ANK3: variants seen among roughly 807,000 people sequenced by gnomAD.
The protein encoded by ANK3 is ankyrin-3.
A neutral mutation model predicts 370.9 loss-of-function variants in ANK3; 57 were observed. The observed-to-expected ratio is 0.15, with a 90% CI of 0.12 to 0.19. The LOEUF is 0.19. Among genes scored for constraint, ANK3 ranks in the 10% least tolerant of loss-of-function variants. ANK3 has a pLI of 1.00. For missense variants in ANK3, 4,439 were observed against 5,302.1 expected (o/e 0.84, Z 5.06); for synonymous variants, 1,929 against 1,946.3 (o/e 0.99, Z 0.23).
intron 28 of ANK3, among the ~76,000 whole-genome samples, chr10:60,092,729 ATTTTG>A (rs998431079): frequency 4.6e-5 from 7 of 152,140 alleles, no homozygotes; most frequent in African/African-American, 9.7e-5. Context: ...AAAACAAATA[ATTTTG>A]TTTTGTTTTG....
intron 40 of ANK3, among the ~76,000 whole-genome samples, chr10:60,061,043 A>C (rs1219404501): frequency 2.0e-5 from 3 of 152,206 alleles, no homozygotes; most frequent in Admixed American, 1.3e-4. Flanking sequence ...CGAAGAGGAG[A>C]GACAGGAAAA....
At chr10:60,452,235 T>A (rs1046407618) in intron 2 of ANK3, among the ~76,000 whole-genome samples, 8 of 152,230 alleles carry the variant, frequency 5.3e-5, no homozygotes, top group Non-Finnish European at 1.2e-4. Flanking sequence ...GGTACAAATT[T>A]CAAGGAACTG....
At chr10:60,390,881 C>T (rs1185045090), upstream of ANK3, among the ~76,000 whole-genome samples, 2 of 151,936 alleles carry the variant, frequency 1.3e-5, no homozygotes, top group Non-Finnish European at 2.9e-5. Context: ...GCGGTCGGTG[C>T]ATTTGACTTT....
intron 23 of ANK3, chr10:60,140,411 G>A (rs764529788): frequency 2.7e-5 from 44 of 1,613,414 alleles, no homozygotes; most frequent in Non-Finnish European, 3.7e-5. Flanking sequence ...GATGTTTCCA[G>A]GAATTCCTTA....
At chr10:60,419,444 C>T (rs952153604) in intron 2 of ANK3, among the ~76,000 whole-genome samples, 9 of 152,140 alleles carry the variant, frequency 5.9e-5, no homozygotes, top group Admixed American at 3.9e-4. Context: ...CCTGCATCTG[C>T]TAGAAAATTT....
At chr10:60,463,354 C>T (rs4426089) in intron 2 of ANK3, among the ~76,000 whole-genome samples, 57,024 of 151,972 alleles carry the variant, frequency 0.38, 11,342 homozygotes, top group Non-Finnish European at 0.45. Context: ...ATATATTTTC[C>T]GTCTGCCTAG....
intron 1 of ANK3, among the ~76,000 whole-genome samples, chr10:60,315,043 C>T (rs2047111359): frequency 6.6e-6 from 1 of 152,106 alleles, no homozygotes; most frequent in Non-Finnish European, 1.5e-5. Context: ...TGGTACTTTC[C>T]ATTAGAGTGG....
chr10:60,086,546 G>T, intron 30 of ANK3, 131 bp downstream of exon 30: 1 of 766,658 alleles, frequency 1.3e-6, no homozygotes, highest in Non-Finnish European at 2.0e-6. Context: ...CAAGTAAAAT[G>T]TTTTGTTCTT....
intron 2 of ANK3, among the ~76,000 whole-genome samples, chr10:60,444,200 T>A (rs1206128752): frequency 2.0e-5 from 3 of 152,116 alleles, no homozygotes; most frequent in Admixed American, 6.6e-5. Flanking sequence ...AGCACTAAAA[T>A]TCTGGCAACT....
chr10:60,439,381 G>A (rs1344319872), intron 2 of ANK3, among the ~76,000 whole-genome samples: 5 of 152,242 alleles, frequency 3.3e-5, no homozygotes, highest in Middle Eastern at 3.4e-3. Context: ...TAATAGGCTG[G>A]GTACAGTGGC....
chr10:60,346,332 T>C (rs1258687869), intron 1 of ANK3, among the ~76,000 whole-genome samples: 2 of 151,994 alleles, frequency 1.3e-5, no homozygotes, highest in Non-Finnish European at 2.9e-5. Flanking sequence ...AGGAAGTATA[T>C]GCAACTTATA....
At chr10:60,650,644 G>A (rs1429392351) in intron 1 of ANK3, among the ~76,000 whole-genome samples, 1 of 152,192 alleles carries the variant, frequency 6.6e-6, no homozygotes, top group East Asian at 1.9e-4. Context: ...TTGAATTAGA[G>A]GATGGAGAGA....
At chr10:60,237,942 T>A (rs1168636617) in intron 7 of ANK3, among the ~76,000 whole-genome samples, 1 of 152,202 alleles carries the variant, frequency 6.6e-6, no homozygotes, top group African/African-American at 2.4e-5. Context: ...AGAGGCAGAA[T>A]CAGGATCAGA....
At chr10:60,376,488 A>G (rs2060795762) in intron 1 of ANK3, among the ~76,000 whole-genome samples, 1 of 152,238 alleles carries the variant, frequency 6.6e-6, no homozygotes. Flanking sequence ...AAATCCACTG[A>G]AACATGTTAT....
intron 1 of ANK3, among the ~76,000 whole-genome samples, chr10:60,346,677 C>G (rs1338508104): frequency 1.3e-5 from 2 of 152,038 alleles, no homozygotes; most frequent in African/African-American, 4.8e-5. Context: ...ACATACATAA[C>G]CAACTCTCAT....
At chr10:60,045,828 T>A (rs932081425) in intron 42 of ANK3, among the ~76,000 whole-genome samples, 1 of 152,196 alleles carries the variant, frequency 6.6e-6, no homozygotes, top group Non-Finnish European at 1.5e-5. Flanking sequence ...TGTGACCATA[T>A]GTCACAATCA....
At chr10:60,144,145 T>C (rs184792510) in intron 23 of ANK3, 2 of 411,906 alleles carry the variant, frequency 4.9e-6, no homozygotes, top group African/African-American at 2.1e-5. Flanking sequence ...TGAGCCCCGA[T>C]TAACTCACAG....
intron 2 of ANK3, among the ~76,000 whole-genome samples, chr10:60,535,567 A>G (rs924165337): frequency 7.2e-5 from 11 of 152,060 alleles, no homozygotes; most frequent in South Asian, 2.1e-4. Context: ...AGACTTAGCA[A>G]TAAAGAGGAG....
chr10:60,429,018 C>T (rs181858713), intron 2 of ANK3, among the ~76,000 whole-genome samples: 41 of 142,698 alleles, frequency 2.9e-4, no homozygotes, highest in African/African-American at 1.2e-3. Context: ...TATTTGGAGC[C>T]CAAAAGTTCA....
Sources: allele counts gnomAD v4.1 joint callset (sites outside exome capture counted in the v4.1 genomes callset), GRCh38; gene constraint gnomAD v4.1.1; transcripts MANE v1.5; gene names NCBI Gene and HGNC (gene_info 2026-07-23, HGNC 2026-07-21).